The following TBC1D14 variants were observed in gnomAD, a reference collection of about 807,000 sequenced individuals.
TBC1D14 encodes TBC1 domain family member 14, also known as TBC1 domain family, member 14.
TBC1D14 carries 26 observed loss-of-function variants against 79.0 expected under a neutral mutation model. That is an observed-to-expected ratio of 0.33 (90% CI 0.24 to 0.46). TBC1D14 has a LOEUF of 0.46. TBC1D14 is among the 20% of genes least tolerant of loss of function. The pLI is 1.00. For missense variants in TBC1D14, 769 were observed against 887.6 expected, an observed-to-expected ratio of 0.87 and a Z score of 1.70; for synonymous variants, 394 against 349.9, an observed-to-expected ratio of 1.13 and a Z score of -1.40.
intron 7 of TBC1D14, among the ~76,000 whole-genome samples, chr4:7,002,738 ATGC>A (rs1297468133): frequency 1.3e-5 from 2 of 152,228 alleles, no homozygotes; most frequent in Non-Finnish European, 2.9e-5. Context: ...GTGTGAATGA[ATGC>A]TGCCTTACTG....
rs111727183 is a variant in TBC1D14, at chr4:6,952,227, C to G, written c.723-15077C>G. Reference sequence around the variant, plus strand: ...CGGAGCCACTGCAGGGCTCGTTGAACCAGAGATTGCTGGATCCCACCCGGG... The same window carrying G: ...CGGAGCCACTGCAGGGCTCGTTGAAGCAGAGATTGCTGGATCCCACCCGGG... On this transcript the variant is annotated intron_variant, in intron 2 of 13. Coordinates refer to ENST00000409757, the MANE Select transcript of TBC1D14 (RefSeq NM_020773.3). Among the ~76,000 whole-genome samples, 686 of 152,302 alleles carry G rather than the reference C, an allele frequency of 4.5e-3. 10 individuals are homozygous for G. Among genetic ancestry groups the G allele is most frequent in the African/African-American group, 0.016 (656 of 41,578 alleles).
chr4:7,002,740 G>C (rs1719797881), intron 7 of TBC1D14, among the ~76,000 whole-genome samples: 1 of 152,206 alleles, frequency 6.6e-6, no homozygotes, highest in South Asian at 2.1e-4. Context: ...GTGAATGAAT[G>C]CTGCCTTACT....
chr4:6,998,546 C>CTT (rs11458209), intron 5 of TBC1D14, among the ~76,000 whole-genome samples: 11 of 147,904 alleles, frequency 7.4e-5, no homozygotes, highest in African/African-American at 2.5e-4. Context: ...TTTTTTCTTT[C>CTT]TTTTTTTTTT....
At chr4:7,010,551 C>T in intron 10 of TBC1D14, 102 bp from the exon 11 acceptor site, 1 of 1,443,966 alleles carries the variant, frequency 6.9e-7, no homozygotes, top group South Asian at 1.3e-5. Flanking sequence ...TCTAGGGACA[C>T]TTCTAGTGTG....
In TBC1D14 at chr4:7,006,742, T is replaced by C. The variant is rs1257432667; in HGVS notation, c.1446+16T>C. 1.2e-6 allele frequency: 2 copies of C among 1,606,990 alleles called. No homozygotes were observed. Among genetic ancestry groups the C allele is most frequent in the Non-Finnish European group, 1.7e-6 (2 of 1,174,618 alleles). On this transcript the variant is annotated intron_variant, in intron 9 of 13. Coordinates refer to ENST00000409757, the MANE Select transcript of TBC1D14 (RefSeq NM_020773.3). Reference sequence around the variant, plus strand: ...TTTCCAGCAAGTAAGTGGTGGTGACTTGTTGCTTTCAAGTATGTTTTGTCT... The same window carrying C: ...TTTCCAGCAAGTAAGTGGTGGTGACCTGTTGCTTTCAAGTATGTTTTGTCT...
Position 6,994,264 on chromosome 4 carries a change from A to G in TBC1D14, c.924A>G (p.Pro308=), listed in dbSNP as rs747585933. The change falls in exon 4 of 14, where the codon CCA becomes CCG. Residue 308 remains proline, a synonymous_variant. Transcript: ENST00000409757. ...QNVRKNLDFE[P]LSTTALILED... The stretch of plus-strand genomic sequence containing the variant: ...TGAGGAAGAATCTTGACTTTGAACC[A>G]CTTTCCACCACCGCACTCATCCTCG... The G allele has an allele frequency of 2.5e-6, 4 of 1,614,036 alleles. No individual in the cohort carries two copies. The African/African-American group carries it at 4.0e-5, about 16-fold the overall frequency.
intron 3 of TBC1D14, among the ~76,000 whole-genome samples, chr4:6,975,114 A>G (rs1482965413): frequency 1.3e-5 from 2 of 152,098 alleles, no homozygotes; most frequent in African/African-American, 2.4e-5. Context: ...GGGTTTCACT[A>G]TGTTGGCCAG....
At chr4:6,982,668 G>A (rs937493658) in intron 3 of TBC1D14, among the ~76,000 whole-genome samples, 2 of 152,178 alleles carry the variant, frequency 1.3e-5, no homozygotes, top group African/African-American at 4.8e-5. Flanking sequence ...TCCTACAGAT[G>A]AATACGCATA....
chr4:7,010,138 G>T (rs1490884980), intron 10 of TBC1D14, among the ~76,000 whole-genome samples, 190 bp downstream of exon 10: 1 of 152,208 alleles, frequency 6.6e-6, no homozygotes, highest in Non-Finnish European at 1.5e-5. Flanking sequence ...TGTCGTGGCT[G>T]CTCTGGGGCA....
At chr4:7,021,346 C>G (rs895984183) in intron 12 of TBC1D14, among the ~76,000 whole-genome samples, 32 of 152,126 alleles carry the variant, frequency 2.1e-4, no homozygotes, top group African/African-American at 7.7e-4. Flanking sequence ...GTCTATAGTC[C>G]CAGCACTTTG....
Position 6,979,401 on chromosome 4 carries a change from C to T in TBC1D14, c.843+11977C>T, listed in dbSNP as rs147688553. On this transcript the variant is annotated intron_variant, in intron 3 of 13. Transcript: ENST00000409757. ...CAGCACTTTGGGAGGCCGAGGCAGACGATTACTTGAAGCCAGGAGTTCCAG... is the reference window on the plus strand; with the variant it reads ...CAGCACTTTGGGAGGCCGAGGCAGATGATTACTTGAAGCCAGGAGTTCCAG... Among the ~76,000 whole-genome samples, 158 of 152,136 alleles carry T rather than the reference C, an allele frequency of 1.0e-3. 1 individual carries two copies. Among genetic ancestry groups the T allele is most frequent in the African/African-American group, 3.7e-3 (153 of 41,500 alleles).
At chr4:7,025,924 A>T (rs1039440634) in intron 13 of TBC1D14, among the ~76,000 whole-genome samples, 34 of 152,188 alleles carry the variant, frequency 2.2e-4, no homozygotes, top group African/African-American at 8.2e-4. Flanking sequence ...AGGAAAAAAA[A>T]ACCAGTTTGG....
chr4:6,926,418 A>G (rs1486235028), intron 2 of TBC1D14, among the ~76,000 whole-genome samples: 1 of 152,172 alleles, frequency 6.6e-6, no homozygotes, highest in African/African-American at 2.4e-5. Flanking sequence ...TGCAATTTCT[A>G]GATCATTTCT....
intron 2 of TBC1D14, among the ~76,000 whole-genome samples, chr4:6,952,755 G>T (rs1714158643): frequency 2.0e-5 from 3 of 152,124 alleles, no homozygotes; most frequent in Non-Finnish European, 2.9e-5. Flanking sequence ...GATTCTGCAG[G>T]GGCTAGTTGA....
chr4:6,963,543 C>T (rs1560287249), intron 2 of TBC1D14, among the ~76,000 whole-genome samples: 1 of 152,214 alleles, frequency 6.6e-6, no homozygotes, highest in Admixed American at 6.5e-5. Flanking sequence ...AGGTGCAGCT[C>T]CTTGGCTCCC....
chr4:6,939,996 C>T (rs772294898), intron 2 of TBC1D14, among the ~76,000 whole-genome samples: 55 of 152,328 alleles, frequency 3.6e-4, no homozygotes, highest in African/African-American at 6.5e-4. Context: ...CGGCCTGTGC[C>T]CCTGGCTCCC....
At chr4:7,012,210 G>A (rs1720849444) in intron 11 of TBC1D14, among the ~76,000 whole-genome samples, 1 of 151,662 alleles carries the variant, frequency 6.6e-6, no homozygotes, top group African/African-American at 2.4e-5. Flanking sequence ...ACTGAGGCAG[G>A]AGAATGGCGT....
At chr4:6,930,134 G>A (rs911716039) in intron 2 of TBC1D14, among the ~76,000 whole-genome samples, 1 of 152,206 alleles carries the variant, frequency 6.6e-6, no homozygotes, top group African/African-American at 2.4e-5. Flanking sequence ...CTGCAAAAGG[G>A]AGGAAGCGAG....
intron 3 of TBC1D14, among the ~76,000 whole-genome samples, chr4:6,978,527 A>G (rs2109087828): frequency 6.7e-6 from 1 of 149,246 alleles, no homozygotes. Flanking sequence ...TTTGTTAAAC[A>G]GATGCTTGAA....
Sources: allele counts gnomAD v4.1 joint callset (sites outside exome capture counted in the v4.1 genomes callset), GRCh38; gene constraint gnomAD v4.1.1; transcripts MANE v1.5; gene names NCBI Gene and HGNC (gene_info 2026-07-23, HGNC 2026-07-21).